The following PEDS1 variants were observed in gnomAD, a reference collection of about 807,000 sequenced individuals.
The protein encoded by PEDS1 is CarF homolog.
Under a neutral mutation model 35.2 loss-of-function variants are expected in PEDS1, and 14 were observed. The observed-to-expected ratio is 0.40, with a 90% confidence interval of 0.26 to 0.62. PEDS1 has a LOEUF of 0.62. PEDS1 is among the 20% of genes least tolerant of loss of function. PEDS1 has a pLI of 0.44. For synonymous variants in PEDS1, 152 were observed against 152.0 expected, an observed-to-expected ratio of 1.00 and a Z score of 0.00; for missense variants, 260 against 367.8, an observed-to-expected ratio of 0.71 and a Z score of 2.40.
chr20:50,133,033 G>T (rs371416308), intron 2 of PEDS1, among the ~76,000 whole-genome samples: 1 of 152,182 alleles, frequency 6.6e-6, no homozygotes, highest in Non-Finnish European at 1.5e-5. Context: ...TCAACTGGTT[G>T]TCCAAGATTC....
intron 1 of PEDS1, among the ~76,000 whole-genome samples, chr20:50,152,321 G>A (rs1397566619): frequency 6.6e-6 from 1 of 152,196 alleles, no homozygotes; most frequent in African/African-American, 2.4e-5. Context: ...GTGACCCCAG[G>A]CCCACTCCAG....
chr20:50,122,035 T>C lies in PEDS1; in HGVS notation c.*3023A>G, dbSNP rs1291626620. On this transcript the variant is annotated 3_prime_UTR_variant, in exon 6 of 6. Coordinates refer to ENST00000371652, the MANE Select transcript of PEDS1 (RefSeq NM_199129.4). ...CTGGCCAATGTGATTGGTTCAGGGA[T>C]GGGCACGTGACCCAGTCCAGACCAA... is the stretch of plus-strand genomic sequence containing the variant. 6.6e-6 allele frequency: 1 copy of C among 152,240 alleles called. No individual in the cohort carries two copies. The highest frequency in any genetic ancestry group is 1.5e-5 in the Non-Finnish European group (1 of 68,050). The allele number at this position is 152,240 out of a possible 1,614,324, so 9.4% of individuals were successfully genotyped here. A position where few individuals can be genotyped will look rare whatever the true frequency, so the allele number is the denominator to read the frequency against.
At chr20:50,132,279 A>G (rs2081188179) in intron 2 of PEDS1, among the ~76,000 whole-genome samples, 1 of 152,218 alleles carries the variant, frequency 6.6e-6, no homozygotes, top group Non-Finnish European at 1.5e-5. Context: ...AATGCTTTAC[A>G]GGCTAGATCT....
intron 5 of PEDS1, among the ~76,000 whole-genome samples, chr20:50,125,599 C>CATT (rs1569039963): frequency 4.7e-5 from 7 of 150,276 alleles, no homozygotes; most frequent in African/African-American, 1.7e-4. Flanking sequence ...TATCATTTAT[C>CATT]TATCTATTTA....
At chr20:50,132,375 G>A (rs2081189301) in intron 2 of PEDS1, among the ~76,000 whole-genome samples, 1 of 152,040 alleles carries the variant, frequency 6.6e-6, no homozygotes. Flanking sequence ...CACCCCTGCT[G>A]CCTCCCATCA....
chr20:50,135,658 C>CAAAAAA (rs34069451), intron 2 of PEDS1, among the ~76,000 whole-genome samples: 17 of 37,818 alleles, frequency 4.5e-4, no homozygotes, highest in African/African-American at 7.8e-4. Flanking sequence ...AACTCCATCT[C>CAAAAAA]AAAAAAAAAA....
intron 2 of PEDS1, 129 bp downstream of exon 2, chr20:50,143,373 G>T: frequency 7.0e-7 from 1 of 1,436,376 alleles, no homozygotes; most frequent in Non-Finnish European, 9.4e-7. Flanking sequence ...AGGGAGGTGG[G>T]GTACTCAAGG....
In PEDS1 at chr20:50,152,560, TA is replaced by T. The variant is rs201603668; in HGVS notation, c.121+956del. On this transcript the variant is annotated intron_variant, in intron 1 of 5. Transcript: ENST00000371652. Reference sequence around the variant, plus strand: ...CACGTAGGAGTCACAAAAGTGGGTGTAGGGGGGGTGCTTGCTGGAGCATATA... The same window carrying T: ...CACGTAGGAGTCACAAAAGTGGGTGTGGGGGGGTGCTTGCTGGAGCATATA... Among the ~76,000 whole-genome samples, 183 of 146,214 alleles carry T rather than the reference TA, an allele frequency of 1.3e-3. 1 individual carries two copies. The highest frequency in any genetic ancestry group is 5.6e-4 in the Non-Finnish European group (38 of 67,910).
At chr20:50,147,044 G>A (rs1023389634) in intron 1 of PEDS1, among the ~76,000 whole-genome samples, 16 of 152,158 alleles carry the variant, frequency 1.1e-4, no homozygotes, top group African/African-American at 3.6e-4. Context: ...GAACCTTCCC[G>A]ATCGACCTGC....
At chr20:50,143,398 A>T in intron 2 of PEDS1, 104 bp downstream of exon 2, 1 of 1,511,230 alleles carries the variant, frequency 6.6e-7, no homozygotes, top group Non-Finnish European at 8.9e-7. Flanking sequence ...TACTGGACTC[A>T]AGCACACACA....
intron 5 of PEDS1, among the ~76,000 whole-genome samples, chr20:50,125,735 G>A (rs2081096048): frequency 1.3e-5 from 2 of 152,090 alleles, no homozygotes; most frequent in African/African-American, 4.8e-5. Context: ...TGAGACTACA[G>A]GTGCACACCA....
At chr20:50,130,334 G>A (rs942985061) in intron 3 of PEDS1, among the ~76,000 whole-genome samples, 2 of 152,176 alleles carry the variant, frequency 1.3e-5, no homozygotes, top group African/African-American at 2.4e-5. Flanking sequence ...ATCTCTGGGC[G>A]GTGAGAAAGC....
At chr20:50,139,121 G>A (rs1214794671) in intron 2 of PEDS1, among the ~76,000 whole-genome samples, 1 of 152,112 alleles carries the variant, frequency 6.6e-6, no homozygotes, top group African/African-American at 2.4e-5. Context: ...TCCACTTCCA[G>A]CCACAGGACG....
At chr20:50,133,253 A>G (rs2081197905) in intron 2 of PEDS1, among the ~76,000 whole-genome samples, 2 of 135,858 alleles carry the variant, frequency 1.5e-5, no homozygotes, top group Non-Finnish European at 3.1e-5. Flanking sequence ...GACTTTCCAG[A>G]GGCCCTGTGG....
At chr20:50,145,854 G>A (rs2081340134) in intron 1 of PEDS1, among the ~76,000 whole-genome samples, 1 of 152,164 alleles carries the variant, frequency 6.6e-6, no homozygotes, top group South Asian at 2.1e-4. Context: ...CTACATATCA[G>A]GCGCCTGCTG....
rs34069451 is a variant in PEDS1, at chr20:50,135,658, CAA to C, written c.242-4713_242-4712del. ...GGGCAACAAGAGCAAAACTCCATCT[CAA>C]AAAAAAAAAAAAAAAAAAAAAAGCA... On this transcript the variant is annotated intron_variant, in intron 2 of 5. Coordinates refer to ENST00000371652, the MANE Select transcript of PEDS1 (RefSeq NM_199129.4). 1.6e-4 allele frequency among the ~76,000 whole-genome samples: 6 copies of C among 37,844 alleles called. No homozygotes were observed. In the East Asian group the frequency reaches 3.8e-3, roughly 24 times the overall value. 24.8% of individuals were successfully genotyped at this position (37,844 alleles called of 152,430 possible).
At chr20:50,144,277 T>G (rs756056137) in intron 1 of PEDS1, among the ~76,000 whole-genome samples, 4 of 152,194 alleles carry the variant, frequency 2.6e-5, no homozygotes, top group Non-Finnish European at 5.9e-5. Context: ...TTAATGAGCT[T>G]CTTTTTCTTT....
At position 50,128,640 on chromosome 20, in the gene PEDS1, C is replaced by T. The variant is rs535827861; in HGVS notation, c.479-453G>A. 6.6e-6 allele frequency among the ~76,000 whole-genome samples: 1 copy of T among 152,124 alleles called. No individual in the cohort carries two copies. Among genetic ancestry groups the T allele is most frequent in the Non-Finnish European group, 1.5e-5 (1 of 68,026 alleles). ...TCAAGGGAGCCTCTTCAGGAAAAAACCTCGAAGGGAGGGAGGGAAGCAAGA... is the reference window on the plus strand; with the variant it reads ...TCAAGGGAGCCTCTTCAGGAAAAAATCTCGAAGGGAGGGAGGGAAGCAAGA... On this transcript the variant is annotated intron_variant, in intron 4 of 5. Transcript: ENST00000371652. The surrounding 1 kb of genome is among the most constrained non-coding windows in gnomAD (Gnocchi z 5.2).
rs1395978098 is a variant in PEDS1 at position 50,125,150 on chromosome 20, C to G, written c.721G>C (p.Gly241Arg). ...GWLNYPLEKI[G>R]FWRRLEDLIQ... The stretch of plus-strand genomic sequence containing the variant: ...AGGTCCTCCAGGCGTCGCCAGAAGC[C>G]TATCTTCTCCAGAGGGTAGTTGAGC... The change falls in exon 6 of 6, where the codon GGC becomes CGC. Residue 241 changes from glycine (G) to arginine (R), a missense_variant. Coordinates refer to ENST00000371652, the MANE Select transcript of PEDS1 (RefSeq NM_199129.4). 1 of 1,614,038 alleles carries G rather than the reference C, an allele frequency of 6.2e-7. No individual in the cohort carries two copies. Among genetic ancestry groups the G allele is most frequent in the African/African-American group, 1.3e-5 (1 of 74,928 alleles).
Sources: gnomAD v4.1 joint callset for allele counts (sites outside exome capture counted in the v4.1 genomes callset) on GRCh38, gnomAD v4.1.1 for gene constraint, Gnocchi (gnomAD v3.1) non-coding constraint, MANE v1.5 for transcripts, NCBI Gene and HGNC (gene_info 2026-07-23, HGNC 2026-07-21) for gene names.